The following NDUFAF8 variants were observed in gnomAD, a reference collection of about 807,000 sequenced individuals.
NDUFAF8 encodes NADH:ubiquinone oxidoreductase complex assembly factor 8.
A neutral mutation model predicts 9.9 loss-of-function variants in NDUFAF8; 9 were observed. The observed-to-expected ratio is 0.91, with a 90% CI of 0.55 to 1.59. The LOEUF is 1.59. Ranked by LOEUF, NDUFAF8 falls within the 40% of genes most tolerant of loss-of-function variation. The pLI, the probability that NDUFAF8 is intolerant of heterozygous loss-of-function variation, is 0.00. For missense variants in NDUFAF8, 114 were observed against 113.8 expected (o/e 1.00, Z -0.01); for synonymous variants, 63 against 51.2 (o/e 1.23, Z -0.98).
rs917453527 is a variant in NDUFAF8 at position 81,239,653 on chromosome 17, C to T, written c.170C>T (p.Ala57Val). 9 of 1,539,976 alleles carry T rather than the reference C, an allele frequency of 5.8e-6. No homozygotes were observed. Among genetic ancestry groups the T allele is most frequent in the East Asian group, 4.9e-5 (2 of 40,912 alleles). The change falls in exon 2 of 3, where the codon GCC becomes GTC. Residue 57 changes from alanine (A) to valine (V), a missense_variant. Physicochemically the swap from Ala to Val is moderately conservative, Grantham distance 64. Transcript: ENST00000431388. ...GACTTCTGCGCGCGGGAGTTCGAGG[C>T]CCTGCGGAGCTGCTTCGCCGCTGCG... ...SKDFCAREFE[A>V]LRSCFAAAAK...
intron 2 of NDUFAF8, chr17:81,240,066 G>GC (rs1249223467): frequency 3.6e-6 from 1 of 278,112 alleles, no homozygotes; most frequent in African/African-American, 2.3e-5. Flanking sequence ...CAGCCCCTGT[G>GC]CACCTGCAGT....
Position 81,241,277 on chromosome 17 carries a change from C to T in NDUFAF8, c.*261C>T. ...GCCACGATAAAGACTCGGTCAAATC[C>T]TGCAGCCTGGGGCTTACTGTGTGCA... On this transcript the variant is annotated 3_prime_UTR_variant, in exon 3 of 3. Coordinates refer to ENST00000431388, the MANE Select transcript of NDUFAF8 (RefSeq NM_001086521.2). 1 of 1,083,040 alleles carries T rather than the reference C, an allele frequency of 9.2e-7. No individual in the cohort carries two copies. The highest frequency in any genetic ancestry group is 1.2e-6 in the Non-Finnish European group (1 of 824,648). The allele number at this position is 1,083,040 out of a possible 1,614,324, so 67.1% of individuals were successfully genotyped here.
intron 2 of NDUFAF8, 100 bp from the exon 3 acceptor site, chr17:81,240,887 T>C (rs997739822): frequency 7.0e-7 from 1 of 1,438,410 alleles, no homozygotes; most frequent in Non-Finnish European, 9.5e-7. Context: ...AAGTTCTCTG[T>C]AAGGTATTTG....
rs374420845 is a variant in NDUFAF8 at position 81,239,603 on chromosome 17, G to T, written c.120G>T (p.Thr40=). ...ACGGCAGGTGCGTGCAGGCCTCCAC[G>T]GCCCCGGGCGGCCGCCTGAGTAAGG... The part of the protein sequence containing the change: ...AAYGRCVQAS[T]APGGRLSKDF... Residue 40 remains threonine, a synonymous_variant, in exon 2 of 3, where the codon ACG becomes ACT. Coordinates refer to ENST00000431388, the MANE Select transcript of NDUFAF8 (RefSeq NM_001086521.2). The T allele has an allele frequency of 1.2e-4, 181 of 1,538,754 alleles. 1 individual carries two copies. In the African/African-American group the frequency reaches 2.3e-3, roughly 19 times the overall value.
intron 2 of NDUFAF8, among the ~76,000 whole-genome samples, chr17:81,240,668 C>T (rs940101075): frequency 9.4e-6 from 1 of 105,836 alleles, no homozygotes; most frequent in South Asian, 3.6e-4. Context: ...GACTGCATCT[C>T]AAAAAAAAAA....
At chr17:81,239,927 A>G (rs1391571450) in intron 2 of NDUFAF8, 1 of 568,358 alleles carries the variant, frequency 1.8e-6, no homozygotes, top group African/African-American at 1.9e-5. Flanking sequence ...TGTGCAAAAA[A>G]GCGCCTTGTA....
At position 81,239,658 on chromosome 17, in the gene NDUFAF8, C is replaced by T. The variant is rs1254220185; in HGVS notation, c.175C>T (p.Arg59Trp). Residue 59 changes from arginine (R) to tryptophan (W), a missense_variant, in exon 2 of 3, where the codon CGG becomes TGG. Coordinates refer to ENST00000431388, the MANE Select transcript of NDUFAF8 (RefSeq NM_001086521.2). ...CTGCGCGCGGGAGTTCGAGGCCCTGCGGAGCTGCTTCGCCGCTGCGGTAGG... is the reference window on the plus strand; with the variant it reads ...CTGCGCGCGGGAGTTCGAGGCCCTGTGGAGCTGCTTCGCCGCTGCGGTAGG... Reference protein sequence around the residue: ...DFCAREFEALRSCFAAAAKKT... With the variant: ...DFCAREFEALWSCFAAAAKKT... The T allele has an allele frequency of 1.9e-6, 3 of 1,539,682 alleles. No homozygotes were observed. Among genetic ancestry groups the T allele is most frequent in the East Asian group, 2.4e-5 (1 of 40,908 alleles).
chr17:81,239,711 A>C, intron 2 of NDUFAF8, 33 bp downstream of exon 2: 2 of 1,522,728 alleles, frequency 1.3e-6, no homozygotes, highest in Non-Finnish European at 8.8e-7. Context: ...CCCCCTTCCC[A>C]GCCCTTCCCC....
At chr17:81,240,062 C>T (rs2062800049) in intron 2 of NDUFAF8, 1 of 284,284 alleles carries the variant, frequency 3.5e-6, no homozygotes, top group Non-Finnish European at 6.8e-6. Context: ...CTTGCAGCCC[C>T]TGTGCACCTG....
Position 81,239,551 on chromosome 17 carries a change from G to T in NDUFAF8, c.85-17G>T. On this transcript the variant is annotated splice_polypyrimidine_tract_variant and intron_variant, in intron 1 of 2. Transcript: ENST00000431388. Reference sequence around the variant, plus strand: ...GGGGTCAGGGGACCCCACGACCCACGCCCGTCCTTTCCGCAGGCCGCGGCG... The same window carrying T: ...GGGGTCAGGGGACCCCACGACCCACTCCCGTCCTTTCCGCAGGCCGCGGCG... 6.6e-7 allele frequency: 1 copy of T among 1,524,512 alleles called. No homozygotes were observed. The highest frequency in any genetic ancestry group is 8.8e-7 in the Non-Finnish European group (1 of 1,139,940). 94.4% of individuals were successfully genotyped at this position (1,524,512 alleles called of 1,614,324 possible).
chr17:81,241,071 T>C lies in NDUFAF8; in HGVS notation c.*55T>C. On this transcript the variant is annotated 3_prime_UTR_variant, in exon 3 of 3. Coordinates refer to ENST00000431388, the MANE Select transcript of NDUFAF8 (RefSeq NM_001086521.2). ...TGCCATGGGTGCAGAGCCCTAGTCC[T>C]GATGGCCCCTGGTGGCACATATCGA... 1 of 1,579,380 alleles carries C rather than the reference T, an allele frequency of 6.3e-7. No homozygotes were observed. Among genetic ancestry groups the C allele is most frequent in the Non-Finnish European group, 8.6e-7 (1 of 1,161,584 alleles).
rs370861398 is a variant in NDUFAF8, at chr17:81,240,618, G to A, written c.196-369G>A. Among the ~76,000 whole-genome samples the A allele has an allele frequency of 9.3e-5, 14 of 150,118 alleles. No homozygotes were observed. The South Asian group carries it at 1.5e-3, about 16-fold the overall frequency. On this transcript the variant is annotated intron_variant, in intron 2 of 2. Transcript: ENST00000431388. ...TGGGAGGTGGAGGTTGCAGTGAGCC[G>A]AGATCACGCTGCTGTACTCCAGCCT...
rs77649990 is a variant in NDUFAF8, at chr17:81,240,314, C to G, written c.195+636C>G. On this transcript the variant is annotated intron_variant, in intron 2 of 2. Coordinates refer to ENST00000431388, the MANE Select transcript of NDUFAF8 (RefSeq NM_001086521.2). ...GAGAAAGGGTATTTGAACAAGAGTT[C>G]CACGGCCTTCATCCCTACCCGGCCC... 7.0e-3 allele frequency: 1,091 copies of G among 155,118 alleles called. 11 individuals carry two copies. The highest frequency in any genetic ancestry group is 0.025 in the African/African-American group (1,026 of 41,554). The allele number at this position is 155,118 out of a possible 1,614,324, so 9.6% of individuals were successfully genotyped here.
At chr17:81,239,832 G>A in intron 2 of NDUFAF8, 154 bp downstream of exon 2, 1 of 858,192 alleles carries the variant, frequency 1.2e-6, no homozygotes, top group Admixed American at 2.6e-5. Flanking sequence ...CCATCGACGA[G>A]CCCGCGAAAC....
chr17:81,239,593 A>G lies in NDUFAF8; in HGVS notation c.110A>G (p.Gln37Arg), dbSNP rs2062791780. The G allele has an allele frequency of 6.5e-7, 1 of 1,538,238 alleles. No homozygotes were observed. Among genetic ancestry groups the G allele is most frequent in the African/African-American group, 1.4e-5 (1 of 72,994 alleles). The change falls in exon 2 of 3, where the codon CAG becomes CGG. Residue 37 changes from glutamine to arginine, a missense_variant. Transcript: ENST00000431388. ...AEAAAYGRCV[Q>R]ASTAPGGRLS... is the part of the protein sequence containing the mutation. ...GCCGCGGCGTACGGCAGGTGCGTGC[A>G]GGCCTCCACGGCCCCGGGCGGCCGC...
chr17:81,239,678 G>T lies in NDUFAF8; in HGVS notation c.195G>T (p.Ala65=), dbSNP rs1010111537. 2.0e-6 allele frequency: 3 copies of T among 1,538,232 alleles called. No individual in the cohort carries two copies. The highest frequency in any genetic ancestry group is 2.6e-6 in the Non-Finnish European group (3 of 1,146,400). The stretch of plus-strand genomic sequence containing the variant: ...CCCTGCGGAGCTGCTTCGCCGCTGC[G>T]GTAGGTGGGCGCGGGCCCCTTCCCC... The part of the protein sequence containing the change: ...FEALRSCFAA[A]AKKTLEGGC The change falls in exon 2 of 3, where the codon GCG becomes GCT. Residue 65 remains alanine, a splice_region_variant and synonymous_variant. Coordinates refer to ENST00000431388, the MANE Select transcript of NDUFAF8 (RefSeq NM_001086521.2).
intron 2 of NDUFAF8, 118 bp downstream of exon 2, chr17:81,239,796 A>C: frequency 9.0e-7 from 1 of 1,115,230 alleles, no homozygotes; most frequent in African/African-American, 1.6e-5. Context: ...CGCGTGCTTT[A>C]GACGCCGGCT....
chr17:81,239,877 A>G lies in NDUFAF8; in HGVS notation c.195+199A>G, dbSNP rs980316508. ...CCTGGGCTTGTCCCTGCATGTTTGT[A>G]AAGCGGGACTGGCACCAACCTCAGA... On this transcript the variant is annotated intron_variant, in intron 2 of 2. Coordinates refer to ENST00000431388, the MANE Select transcript of NDUFAF8 (RefSeq NM_001086521.2). 38 of 640,378 alleles carry G rather than the reference A, an allele frequency of 5.9e-5. No homozygotes were observed. In the African/African-American group the frequency reaches 6.5e-4, roughly 11 times the overall value. The allele number at this position is 640,378 out of a possible 1,614,324, so 39.7% of individuals were successfully genotyped here.
In NDUFAF8 at chr17:81,240,998, G is replaced by A. The variant is rs375853381; in HGVS notation, c.207G>A (p.Thr69=). The part of the protein sequence containing the change: ...RSCFAAAAKK[T]LEGGC Reference sequence around the variant, plus strand: ...ACTTTATCTTGCAGGCCAAGAAGACGCTGGAGGGAGGCTGTTAGGAGGGAC... The same window carrying A: ...ACTTTATCTTGCAGGCCAAGAAGACACTGGAGGGAGGCTGTTAGGAGGGAC... The change falls in exon 3 of 3, where the codon ACG becomes ACA. Residue 69 remains threonine, a synonymous_variant. Coordinates refer to ENST00000431388, the MANE Select transcript of NDUFAF8 (RefSeq NM_001086521.2). 1.1e-4 allele frequency: 171 copies of A among 1,613,182 alleles called. 1 individual carries two copies. The highest frequency in any genetic ancestry group is 3.3e-4 in the Admixed American group (20 of 59,920).
Sources: gnomAD v4.1 joint callset for allele counts (sites outside exome capture counted in the v4.1 genomes callset) on GRCh38, gnomAD v4.1.1 for gene constraint, MANE v1.5 for transcripts, NCBI Gene and HGNC (gene_info 2026-07-23, HGNC 2026-07-21) for gene names.